Variants in LARGE1 observed in about 807,000 individuals in gnomAD.
LARGE1 encodes the protein LARGE xylosyl- and glucuronyltransferase 1.
A neutral mutation model predicts 87.6 loss-of-function variants in LARGE1; 43 were observed. The observed-to-expected ratio is 0.49, with a 90% CI of 0.38 to 0.63. The LOEUF is 0.63. Ranked by LOEUF, LARGE1 falls within the 30% of genes least tolerant of loss-of-function variation. The pLI is 0.00. For synonymous variants in LARGE1, 434 were observed against 394.6 expected, an observed-to-expected ratio of 1.10 and a Z score of -1.18; for missense variants, 802 against 1,000.2, an observed-to-expected ratio of 0.80 and a Z score of 2.67.
intron 1 of LARGE1, among the ~76,000 whole-genome samples, chr22:33,877,342 C>T (rs1004722630): frequency 3.3e-5 from 5 of 152,084 alleles, no homozygotes; most frequent in African/African-American, 1.2e-4. Context: ...GTATAAACTA[C>T]CCAGTCTACG....
intron 2 of LARGE1, among the ~76,000 whole-genome samples, chr22:33,760,391 T>C (rs2084678627): frequency 6.6e-6 from 1 of 152,096 alleles, no homozygotes; most frequent in Non-Finnish European, 1.5e-5. Flanking sequence ...GGAGAGCAAA[T>C]CCTTTGTTGC....
intron 1 of LARGE1, among the ~76,000 whole-genome samples, chr22:33,846,191 C>A (rs574014654): frequency 2.0e-5 from 3 of 152,120 alleles, no homozygotes; most frequent in Non-Finnish European, 4.4e-5. Context: ...ACGGAGGGAC[C>A]GGCTGAAGCC....
chr22:33,602,301 T>G (rs1192830706), intron 5 of LARGE1, among the ~76,000 whole-genome samples: 1 of 152,190 alleles, frequency 6.6e-6, no homozygotes, highest in Non-Finnish European at 1.5e-5. Flanking sequence ...TTTTCCGTTT[T>G]TTTTTCTTTT....
chr22:33,582,768 T>C (rs1211013882), intron 5 of LARGE1, among the ~76,000 whole-genome samples: 1 of 152,228 alleles, frequency 6.6e-6, no homozygotes, highest in African/African-American at 2.4e-5. Context: ...TCCACCAAAG[T>C]TCAGACTCTT....
At chr22:33,125,663 T>G in the LARGE1 span, among the ~76,000 whole-genome samples, 1 of 152,222 alleles carries the variant, frequency 6.6e-6, no homozygotes, top group Non-Finnish European at 1.5e-5. Context: ...GCCAAGATGA[T>G]CTCGATCTCC....
intron 1 of LARGE1, among the ~76,000 whole-genome samples, chr22:33,829,855 G>A (rs758257338): frequency 3.9e-5 from 6 of 152,154 alleles, no homozygotes; most frequent in African/African-American, 7.2e-5. Flanking sequence ...CCGGGTTGGA[G>A]TTAACCCATT....
chr22:33,381,788 C>T, intron 9 of LARGE1, 131 bp downstream of exon 9: 1 of 1,220,156 alleles, frequency 8.2e-7, no homozygotes, highest in East Asian at 2.3e-5. Flanking sequence ...GAAAAGCATA[C>T]TCATTCTGCT....
At chr22:33,298,254 A>G (rs1933626474) in intron 12 of LARGE1, among the ~76,000 whole-genome samples, 2 of 152,296 alleles carry the variant, frequency 1.3e-5, no homozygotes, top group Middle Eastern at 3.4e-3. Context: ...TACAGCTGCA[A>G]TGACCACCAG....
At chr22:33,885,905 C>G (rs1402802481) in intron 1 of LARGE1, among the ~76,000 whole-genome samples, 1 of 152,082 alleles carries the variant, frequency 6.6e-6, no homozygotes, top group Non-Finnish European at 1.5e-5. Context: ...GGTGGCGTTC[C>G]TATAATCCCA....
the LARGE1 span, among the ~76,000 whole-genome samples, chr22:33,101,764 G>A: frequency 6.6e-6 from 1 of 152,078 alleles, no homozygotes; most frequent in African/African-American, 2.4e-5. Flanking sequence ...GGCAGATAAG[G>A]TACCTACATG....
chr22:33,071,034 A>C, the LARGE1 span, among the ~76,000 whole-genome samples: 1 of 152,194 alleles, frequency 6.6e-6, no homozygotes, highest in Admixed American at 6.5e-5. Context: ...AAAAAATAAA[A>C]AAAGCCAACA....
chr22:33,912,567 C>T (rs1236353622), intron 1 of LARGE1, among the ~76,000 whole-genome samples: 4 of 152,134 alleles, frequency 2.6e-5, no homozygotes, highest in Non-Finnish European at 4.4e-5. Context: ...CGTCTGCTGC[C>T]TGTCCAAGGC....
chr22:33,670,261 A>G (rs2081371222), intron 2 of LARGE1, among the ~76,000 whole-genome samples: 1 of 152,020 alleles, frequency 6.6e-6, no homozygotes, highest in Non-Finnish European at 1.5e-5. Context: ...AGAAGAAAAA[A>G]GATAAAATCA....
intron 6 of LARGE1, among the ~76,000 whole-genome samples, chr22:33,534,382 C>T (rs534550854): frequency 6.6e-6 from 1 of 150,464 alleles, no homozygotes; most frequent in South Asian, 2.1e-4. Context: ...CCAACCTGGG[C>T]GACAGAGCAA....
intron 1 of LARGE1, among the ~76,000 whole-genome samples, chr22:33,875,794 A>G (rs9621795): frequency 0.35 from 53,921 of 152,060 alleles, 10,835 homozygotes; most frequent in Non-Finnish European, 0.45. Flanking sequence ...GACAATGAGA[A>G]GCCTGCCTGT....
At chr22:33,564,769 T>A in intron 6 of LARGE1, 79 bp downstream of exon 6, 5 of 1,489,116 alleles carry the variant, frequency 3.4e-6, no homozygotes, top group Non-Finnish European at 4.7e-6. Context: ...ACCTCACCTT[T>A]TTAAAAAAGT....
intron 2 of LARGE1, among the ~76,000 whole-genome samples, chr22:33,701,174 A>G (rs925646559): frequency 1.3e-5 from 2 of 152,126 alleles, no homozygotes; most frequent in African/African-American, 2.4e-5. Context: ...CAGGGAGAGT[A>G]CCTGAAGATG....
intron 2 of LARGE1, among the ~76,000 whole-genome samples, chr22:33,745,150 C>T (rs1372636327): frequency 6.6e-6 from 1 of 152,188 alleles, no homozygotes; most frequent in Non-Finnish European, 1.5e-5. Context: ...CCAAGGGTCT[C>T]TTTCTGATGA....
intron 2 of LARGE1, among the ~76,000 whole-genome samples, chr22:33,661,623 G>A (rs1248130141): frequency 6.6e-6 from 1 of 152,068 alleles, no homozygotes; most frequent in Non-Finnish European, 1.5e-5. Context: ...GAGGATGCCA[G>A]ACAAATCAGC....
Sources: gnomAD v4.1 joint callset for allele counts (sites outside exome capture counted in the v4.1 genomes callset) on GRCh38, gnomAD v4.1.1 for gene constraint, MANE v1.5 for transcripts, NCBI Gene and HGNC (gene_info 2026-07-23, HGNC 2026-07-21) for gene names.